GNA14: variants seen among roughly 807,000 people sequenced by gnomAD.
GNA14 encodes the protein G protein subunit alpha 14.
In GNA14, 50 loss-of-function variants were observed where a neutral mutation model predicts 42.0. The ratio of observed to expected loss-of-function variants is 1.19; its 90% CI spans 0.95 to 1.51. The LOEUF (loss-of-function observed/expected upper bound fraction) is 1.51. Ranked by LOEUF, GNA14 falls within the 40% of genes most tolerant of loss-of-function variation. The pLI is 0.00. For synonymous variants in GNA14, 173 were observed against 163.1 expected (o/e 1.06, Z -0.46); for missense variants, 473 against 446.2 (o/e 1.06, Z -0.54).
chr9:77,447,138 T>C (rs1160494032), intron 2 of GNA14, among the ~76,000 whole-genome samples: 1 of 151,804 alleles, frequency 6.6e-6, no homozygotes, highest in Non-Finnish European at 1.5e-5. Context: ...AGAGATGGGG[T>C]TTCACCATGT....
intron 3 of GNA14, among the ~76,000 whole-genome samples, chr9:77,431,882 C>G (rs1311494739): frequency 2.6e-5 from 4 of 152,096 alleles, no homozygotes; most frequent in Admixed American, 2.6e-4. Context: ...TTCTCTAAAG[C>G]TTTGCTCAAT....
chr9:77,638,617 G>C (rs941673193), intron 1 of GNA14, among the ~76,000 whole-genome samples: 15 of 152,252 alleles, frequency 9.9e-5, no homozygotes, highest in African/African-American at 3.6e-4. Context: ...CAGCAAACCA[G>C]TGGGAGAATG....
At chr9:77,447,300 C>G (rs1002396216) in intron 2 of GNA14, among the ~76,000 whole-genome samples, 2 of 152,142 alleles carry the variant, frequency 1.3e-5, no homozygotes, top group Non-Finnish European at 2.9e-5. Flanking sequence ...TTCTGCCACC[C>G]TACCTCACAG....
chr9:77,600,369 AT>A (rs1248482207), intron 1 of GNA14, among the ~76,000 whole-genome samples: 1 of 152,142 alleles, frequency 6.6e-6, no homozygotes, highest in African/African-American at 2.4e-5. Flanking sequence ...TTTTTAAACC[AT>A]TTTTTCTTGT....
chr9:77,434,571 A>T (rs780532684), intron 2 of GNA14, 49 bp from the exon 3 acceptor site: 1 of 1,520,708 alleles, frequency 6.6e-7, no homozygotes. Context: ...AAGGAAGCCA[A>T]CCCATTGGCA....
At chr9:77,616,148 T>C (rs1301727061) in intron 1 of GNA14, among the ~76,000 whole-genome samples, 1 of 152,212 alleles carries the variant, frequency 6.6e-6, no homozygotes, top group Non-Finnish European at 1.5e-5. Context: ...GCACACATTG[T>C]GCAGTATTCA....
At chr9:77,538,459 G>A (rs1473791472) in intron 1 of GNA14, among the ~76,000 whole-genome samples, 3 of 151,752 alleles carry the variant, frequency 2.0e-5, no homozygotes, top group African/African-American at 7.3e-5. Flanking sequence ...TTTTTCTCAT[G>A]CCGTGAAATA....
At chr9:77,528,988 A>G in intron 2 of GNA14, 81 bp downstream of exon 2, 1 of 1,205,438 alleles carries the variant, frequency 8.3e-7, no homozygotes, top group Non-Finnish European at 1.2e-6. Flanking sequence ...ATCTGACCAA[A>G]GCACTGAGGG....
intron 1 of GNA14, among the ~76,000 whole-genome samples, chr9:77,566,920 A>T (rs1001951295): frequency 1.3e-5 from 2 of 152,188 alleles, no homozygotes; most frequent in African/African-American, 4.8e-5. Context: ...TACGCTAATT[A>T]AAAATAATAA....
intron 2 of GNA14, among the ~76,000 whole-genome samples, chr9:77,506,934 TA>T (rs1412720736): frequency 6.6e-6 from 1 of 152,164 alleles, no homozygotes; most frequent in Non-Finnish European, 1.5e-5. Context: ...CTTAATCACT[TA>T]TCCTCACATT....
In GNA14 at chr9:77,608,358, C is replaced by T. The variant is rs543924054; in HGVS notation, c.124+39312G>A. 1.7e-4 allele frequency among the ~76,000 whole-genome samples: 26 copies of T among 152,140 alleles called. 1 individual carries two copies. The highest frequency in any genetic ancestry group is 5.1e-4 in the African/African-American group (21 of 41,428). On this transcript the variant is annotated intron_variant, in intron 1 of 6. Transcript: ENST00000341700. ...AGAGGAATTTTGCTTCAGGATGAAT[C>T]GTACCTTGAGTATCACCTATACCTA...
chr9:77,512,858 G>T (rs1564037359), intron 2 of GNA14, among the ~76,000 whole-genome samples: 3 of 152,164 alleles, frequency 2.0e-5, no homozygotes, highest in African/African-American at 7.2e-5. Flanking sequence ...TGGTTCGAAG[G>T]TCACTGTCAT....
At chr9:77,645,404 G>A (rs1271656367) in intron 1 of GNA14, among the ~76,000 whole-genome samples, 3 of 152,196 alleles carry the variant, frequency 2.0e-5, no homozygotes, top group African/African-American at 7.2e-5. Context: ...TATGCCCCAG[G>A]ACTTTACAGA....
At chr9:77,594,272 A>C (rs1333500120) in intron 1 of GNA14, among the ~76,000 whole-genome samples, 1 of 152,228 alleles carries the variant, frequency 6.6e-6, no homozygotes, top group African/African-American at 2.4e-5. Flanking sequence ...TTGTTTTTCC[A>C]GATAGTCAGC....
chr9:77,623,087 C>T (rs1485683941), intron 1 of GNA14, among the ~76,000 whole-genome samples: 4 of 149,622 alleles, frequency 2.7e-5, no homozygotes, highest in African/African-American at 2.5e-5. Flanking sequence ...TGGTGGCATG[C>T]GCCTGTAGTT....
chr9:77,478,974 G>A (rs1161050024), intron 2 of GNA14, among the ~76,000 whole-genome samples: 5 of 152,080 alleles, frequency 3.3e-5, no homozygotes, highest in African/African-American at 1.2e-4. Flanking sequence ...CCATTCTGTA[G>A]GTTGCCTGTT....
chr9:77,459,448 T>C (rs1412929077), intron 2 of GNA14, among the ~76,000 whole-genome samples: 1 of 152,014 alleles, frequency 6.6e-6, no homozygotes, highest in Non-Finnish European at 1.5e-5. Flanking sequence ...CCTCGCCTCC[T>C]GTCTGCTTCC....
intron 2 of GNA14, among the ~76,000 whole-genome samples, chr9:77,452,964 A>T (rs529809142): frequency 2.0e-5 from 3 of 151,908 alleles, no homozygotes; most frequent in African/African-American, 7.2e-5. Context: ...ACATTCCCTC[A>T]TCCCTAAAAA....
At chr9:77,560,480 T>G (rs10869946) in intron 1 of GNA14, among the ~76,000 whole-genome samples, 26,835 of 151,790 alleles carry the variant, frequency 0.18, 2,492 homozygotes, top group African/African-American at 0.23. Flanking sequence ...TGTTTGTTTG[T>G]TTGGTTGGTT....
Sources: gnomAD v4.1 joint callset for allele counts (sites outside exome capture counted in the v4.1 genomes callset) on GRCh38, gnomAD v4.1.1 for gene constraint, MANE v1.5 for transcripts, NCBI Gene and HGNC (gene_info 2026-07-23, HGNC 2026-07-21) for gene names.